Variants in TANC1 observed in about 807,000 individuals in gnomAD.
TANC1 encodes the protein tetratricopeptide repeat, ankyrin repeat and coiled-coil containing 1.
In TANC1, 77 loss-of-function variants were observed where a neutral mutation model predicts 149.7. That is an observed-to-expected ratio of 0.51 (90% CI 0.43 to 0.62). The LOEUF (loss-of-function observed/expected upper bound fraction) is 0.62, where lower values mean the gene tolerates loss of function less well. Among genes scored for constraint, TANC1 ranks in the 20% least tolerant of loss-of-function variants. TANC1 has a pLI of 0.00. For synonymous variants in TANC1, 854 were observed against 925.0 expected (o/e 0.92, Z 1.39); for missense variants, 1,985 against 2,321.8 (o/e 0.85, Z 2.98).
rs1219669001 is a variant in TANC1, at chr2:159,232,353, AG to A, written c.*1343del. ...ATGTGAAATTTATTTTCTAAAATTG[AG>A]GAGAAGGAAGTTATATATTTGCAGA... On this transcript the variant is annotated 3_prime_UTR_variant, in exon 27 of 27. Transcript: ENST00000263635. The A allele has an allele frequency of 9.2e-5, 14 of 152,744 alleles. No individual in the cohort carries two copies. The highest frequency in any genetic ancestry group is 3.4e-4 in the African/African-American group (14 of 41,584). 9.5% of individuals were successfully genotyped at this position (152,744 alleles called of 1,614,324 possible). A position where few individuals can be genotyped will look rare whatever the true frequency, so the allele number is the denominator to read the frequency against.
intron 2 of TANC1, among the ~76,000 whole-genome samples, chr2:159,016,347 GTCTC>G (rs1243974015): frequency 2.6e-5 from 4 of 152,172 alleles, no homozygotes; most frequent in African/African-American, 9.6e-5. Context: ...CTCCCACTGA[GTCTC>G]TCCCACAACA....
At chr2:159,070,656 A>G (rs892759212) in intron 3 of TANC1, among the ~76,000 whole-genome samples, 7 of 152,232 alleles carry the variant, frequency 4.6e-5, no homozygotes, top group South Asian at 2.1e-4. Context: ...GTGCATATAA[A>G]TGGCCGAACC....
chr2:159,131,746 C>T (rs1200978851), intron 4 of TANC1, among the ~76,000 whole-genome samples: 1 of 152,208 alleles, frequency 6.6e-6, no homozygotes, highest in Non-Finnish European at 1.5e-5. Flanking sequence ...TGCACAAATT[C>T]TCTAATGAGT....
intron 18 of TANC1, among the ~76,000 whole-genome samples, chr2:159,197,628 C>CACAG (rs1386898557): frequency 6.0e-5 from 9 of 151,184 alleles, no homozygotes; most frequent in Non-Finnish European, 4.4e-5. Flanking sequence ...CACACACACA[C>CACAG]AGAGAGATAC....
intron 2 of TANC1, among the ~76,000 whole-genome samples, chr2:159,036,159 G>T (rs1559156191): frequency 6.6e-6 from 1 of 152,112 alleles, no homozygotes; most frequent in Non-Finnish European, 1.5e-5. Flanking sequence ...GGCTGCCAGG[G>T]CCCTCTCCCT....
At chr2:159,068,896 C>A (rs183670705) in intron 3 of TANC1, among the ~76,000 whole-genome samples, 1 of 152,126 alleles carries the variant, frequency 6.6e-6, no homozygotes. Context: ...CGTGCCACCA[C>A]GCCTGGCTAA....
At chr2:159,187,120 G>A in intron 16 of TANC1, 96 bp downstream of exon 16, 1 of 1,439,694 alleles carries the variant, frequency 6.9e-7, no homozygotes, top group Non-Finnish European at 9.4e-7. Context: ...CTGGGTGGTG[G>A]TGAGAGGACG....
chr2:159,169,612 ATTTTGAAGTGAGGGGTAG>A (rs1352004102), intron 9 of TANC1, among the ~76,000 whole-genome samples: 3 of 152,194 alleles, frequency 2.0e-5, no homozygotes, highest in Admixed American at 6.5e-5. Flanking sequence ...GCAGTAAGTT[ATTTTGAAGTGAGGGGTAG>A]TTTTGAAGTG....
intron 4 of TANC1, among the ~76,000 whole-genome samples, chr2:159,123,997 A>G (rs1559302882): frequency 6.6e-6 from 1 of 151,790 alleles, no homozygotes; most frequent in Non-Finnish European, 1.5e-5. Flanking sequence ...TTGAATTTTG[A>G]GCTTTCTTGG....
chr2:159,228,014 T>C, intron 25 of TANC1, 49 bp downstream of exon 25: 2 of 1,587,896 alleles, frequency 1.3e-6, no homozygotes, highest in Non-Finnish European at 1.7e-6. Context: ...AACAGAGCCC[T>C]TCTCCAGCAG....
chr2:158,980,692 G>A (rs1052644161), intron 1 of TANC1, among the ~76,000 whole-genome samples: 2 of 151,206 alleles, frequency 1.3e-5, no homozygotes, highest in Non-Finnish European at 2.9e-5. Context: ...GGAGAATGGC[G>A]TGAACCCAGA....
intron 25 of TANC1, 67 bp from the exon 26 acceptor site, chr2:159,228,729 C>A: frequency 8.4e-7 from 1 of 1,196,164 alleles, no homozygotes; most frequent in Non-Finnish European, 1.2e-6. Flanking sequence ...TAGAACAAAA[C>A]TAGACGGGCT....
intron 2 of TANC1, among the ~76,000 whole-genome samples, chr2:159,052,682 T>TA (rs2041560437): frequency 6.6e-6 from 1 of 152,246 alleles, no homozygotes; most frequent in African/African-American, 2.4e-5. Flanking sequence ...GTATTTTCAC[T>TA]AACCTCTAGC....
At chr2:159,219,663 C>G in intron 21 of TANC1, 29 bp from the exon 22 acceptor site, 2 of 1,613,704 alleles carry the variant, frequency 1.2e-6, no homozygotes, top group Non-Finnish European at 1.7e-6. Context: ...TCATAATGTT[C>G]ATGTTCTGTG....
chr2:159,102,712 CT>C (rs755803794), intron 4 of TANC1, among the ~76,000 whole-genome samples: 182 of 27,106 alleles, frequency 6.7e-3, no homozygotes, highest in African/African-American at 0.021. Context: ...TGGATATTTG[CT>C]TTTTTTTTTT....
chr2:159,041,600 G>T (rs963749288), intron 2 of TANC1, among the ~76,000 whole-genome samples: 1 of 152,252 alleles, frequency 6.6e-6, no homozygotes, highest in Non-Finnish European at 1.5e-5. Flanking sequence ...CCAGGTGCAG[G>T]ATATAATCTC....
intron 4 of TANC1, among the ~76,000 whole-genome samples, chr2:159,133,829 G>A (rs1053166986): frequency 1.3e-5 from 2 of 152,140 alleles, no homozygotes; most frequent in Admixed American, 6.5e-5. Context: ...ATTTAAAAAC[G>A]ATGGTTCCTG....
chr2:159,074,702 A>G (rs2043476833), intron 3 of TANC1, among the ~76,000 whole-genome samples: 3 of 152,126 alleles, frequency 2.0e-5, no homozygotes, highest in Admixed American at 6.6e-5. Context: ...TTGATAGTAC[A>G]TCTTCGTGTT....
intron 16 of TANC1, among the ~76,000 whole-genome samples, chr2:159,190,204 G>A (rs2057332615): frequency 6.6e-6 from 1 of 152,212 alleles, no homozygotes; most frequent in African/African-American, 2.4e-5. Context: ...CACACAGTAG[G>A]TTAGTTTGGG....
Sources: gnomAD v4.1 joint callset for allele counts (sites outside exome capture counted in the v4.1 genomes callset) on GRCh38, gnomAD v4.1.1 for gene constraint, MANE v1.5 for transcripts, NCBI Gene and HGNC (gene_info 2026-07-23, HGNC 2026-07-21) for gene names.